DYNC2H1: variants seen among roughly 807,000 people sequenced by gnomAD.
DYNC2H1 encodes the protein dynein cytoplasmic 2 heavy chain 1.
A neutral mutation model predicts 570.0 loss-of-function variants in DYNC2H1; 410 were observed. That is an observed-to-expected ratio of 0.72 (90% CI 0.66 to 0.78). DYNC2H1 has a LOEUF of 0.78. Among genes scored for constraint, DYNC2H1 ranks in the 30% least tolerant of loss-of-function variants. The probability of loss-of-function intolerance (pLI) is 0.00; values close to 1 mark genes in which losing one functional copy is unlikely to be tolerated. For missense variants in DYNC2H1, 4,865 were observed against 5,046.4 expected (o/e 0.96, Z 1.09); for synonymous variants, 1,688 against 1,677.6 (o/e 1.01, Z -0.15).
intron 70 of DYNC2H1, among the ~76,000 whole-genome samples, chr11:103,272,054 C>T (rs1270957952): frequency 2.0e-5 from 3 of 152,098 alleles, no homozygotes; most frequent in Non-Finnish European, 4.4e-5. Context: ...ACCATTTGAC[C>T]CAGCCATCCC....
intron 25 of DYNC2H1, among the ~76,000 whole-genome samples, chr11:103,156,069 T>C (rs1860802537): frequency 6.6e-6 from 1 of 152,166 alleles, no homozygotes; most frequent in Non-Finnish European, 1.5e-5. Flanking sequence ...TGTAAAACTT[T>C]AAATAAACCA....
At position 103,204,228 on chromosome 11, in the gene DYNC2H1, A is replaced by G. The variant is rs1459364233; in HGVS notation, c.8311+452A>G. Among the ~76,000 whole-genome samples the G allele has an allele frequency of 6.6e-6, 1 of 152,162 alleles. No homozygotes were observed. The highest frequency in any genetic ancestry group is 1.5e-5 in the Non-Finnish European group (1 of 68,036). On this transcript the variant is annotated intron_variant, in intron 51 of 88. Coordinates refer to ENST00000375735, the MANE Select transcript of DYNC2H1 (RefSeq NM_001377.3). This position sits in a 1 kb window ranked among gnomAD's most constrained non-coding sequence, Gnocchi z 4.1. The stretch of plus-strand genomic sequence containing the variant: ...ACCTGCCCCGCTCCATGATTCAATC[A>G]TGTCCCACCAGGTTCCTCCCGCAAC...
intron 3 of DYNC2H1, 55 bp downstream of exon 3, chr11:103,114,293 A>C (rs1858267427): frequency 7.0e-7 from 1 of 1,438,402 alleles, no homozygotes. Context: ...TCATTAATAC[A>C]TTAGTAAATG....
intron 28 of DYNC2H1, among the ~76,000 whole-genome samples, chr11:103,159,874 T>C (rs1861011980): frequency 6.6e-6 from 1 of 152,168 alleles, no homozygotes; most frequent in African/African-American, 2.4e-5. Flanking sequence ...TAAAGTTTTG[T>C]TGAAACATAA....
At chr11:103,312,286 A>G (rs1285174571) in intron 79 of DYNC2H1, among the ~76,000 whole-genome samples, 1 of 151,294 alleles carries the variant, frequency 6.6e-6, no homozygotes, top group Non-Finnish European at 1.5e-5. Context: ...AGGCTGAGGC[A>G]GGAGAATCGC....
At chr11:103,333,277 T>C (rs1938921258) in intron 82 of DYNC2H1, among the ~76,000 whole-genome samples, 1 of 152,212 alleles carries the variant, frequency 6.6e-6, no homozygotes, top group Non-Finnish European at 1.5e-5. Context: ...GTTTCTTTGT[T>C]TTTTGAGACA....
chr11:103,443,847 T>A (rs1243694574), intron 85 of DYNC2H1, among the ~76,000 whole-genome samples: 1 of 151,910 alleles, frequency 6.6e-6, no homozygotes. Context: ...TGGATATTTT[T>A]AAAATATTTG....
intron 85 of DYNC2H1, 36 bp from the exon 86 acceptor site, chr11:103,455,150 G>A (rs947668804): frequency 2.0e-6 from 3 of 1,471,610 alleles, no homozygotes; most frequent in East Asian, 2.3e-5. Flanking sequence ...TTATAAGTGT[G>A]TGTGTATTTA....
chr11:103,478,872 G>A (rs968461364), intron 88 of DYNC2H1, among the ~76,000 whole-genome samples: 3 of 151,928 alleles, frequency 2.0e-5, no homozygotes, highest in Non-Finnish European at 4.4e-5. Context: ...GTAATTGTAA[G>A]GTGCTGTTCA....
chr11:103,319,239 G>C lies in DYNC2H1; in HGVS notation c.11726-1790G>C, dbSNP rs553856358. 1.1e-4 allele frequency among the ~76,000 whole-genome samples: 16 copies of C among 152,258 alleles called. No homozygotes were observed. The highest frequency in any genetic ancestry group is 1.9e-4 in the Non-Finnish European group (13 of 67,986). ...ACCATTATGTTTTGAATAAAAGGCA[G>C]ATGCTCTAAAATGATATTGAATCTG... On this transcript the variant is annotated intron_variant, in intron 80 of 88. Transcript: ENST00000375735. This position sits in a 1 kb window ranked among gnomAD's most constrained non-coding sequence, Gnocchi z 4.3.
At chr11:103,449,459 T>C (rs1944527183) in intron 85 of DYNC2H1, among the ~76,000 whole-genome samples, 1 of 152,060 alleles carries the variant, frequency 6.6e-6, no homozygotes, top group Admixed American at 6.5e-5. Flanking sequence ...CATGTATTAA[T>C]TGTATTTAAC....
chr11:103,319,325 A>G lies in DYNC2H1; in HGVS notation c.11726-1704A>G, dbSNP rs220327. On this transcript the variant is annotated intron_variant, in intron 80 of 88. Transcript: ENST00000375735. The surrounding 1 kb of genome is among the most constrained non-coding windows in gnomAD (Gnocchi z 4.3). Reference sequence around the variant, plus strand: ...CTGACATGAAGGAACTTCCACATGTATAGAATTAAATGCCAAAAAAGAGAA... The same window carrying G: ...CTGACATGAAGGAACTTCCACATGTGTAGAATTAAATGCCAAAAAAGAGAA... Among the ~76,000 whole-genome samples, 25,757 of 152,148 alleles carry G rather than the reference A, an allele frequency of 0.17. 2,616 individuals are homozygous for G. The highest frequency in any genetic ancestry group is 0.28 in the African/African-American group (11,693 of 41,508).
chr11:103,324,366 T>C lies in DYNC2H1; in HGVS notation c.12039+376T>C, dbSNP rs1938362681. 6.6e-6 allele frequency among the ~76,000 whole-genome samples: 1 copy of C among 152,138 alleles called. No homozygotes were observed. Among genetic ancestry groups the C allele is most frequent in the African/African-American group, 2.4e-5 (1 of 41,428 alleles). ...TAGGCCCTGGTGTCTGTTGTTCCCT[T>C]CTTTGTATCCATGTATACTCAGTGT... is the stretch of plus-strand genomic sequence containing the variant. On this transcript the variant is annotated intron_variant, in intron 82 of 88. Transcript: ENST00000375735. This position sits in a 1 kb window ranked among gnomAD's most constrained non-coding sequence, Gnocchi z 5.2.
rs1387000 is a variant in DYNC2H1 at position 103,280,151 on chromosome 11, A to T, written c.10696-197A>T. On this transcript the variant is annotated intron_variant, in intron 70 of 88. Coordinates refer to ENST00000375735, the MANE Select transcript of DYNC2H1 (RefSeq NM_001377.3). This position sits in a 1 kb window ranked among gnomAD's most constrained non-coding sequence, Gnocchi z 4.7. ...GCTTTCTCCAAAAATGTGATCACTT[A>T]CTTACTCTGACCCCACCCCTGACTT... Among the ~76,000 whole-genome samples, 5,781 of 152,220 alleles carry T rather than the reference A, an allele frequency of 0.038. 362 individuals carry two copies. The highest frequency in any genetic ancestry group is 0.13 in the African/African-American group (5,495 of 41,522).
chr11:103,307,866 T>A, intron 78 of DYNC2H1, 35 bp downstream of exon 78: 1 of 1,277,924 alleles, frequency 7.8e-7, no homozygotes. Flanking sequence ...ACCAGTTGTA[T>A]GAAAGCAGTA....
At chr11:103,328,644 G>C (rs933039325) in intron 82 of DYNC2H1, among the ~76,000 whole-genome samples, 6 of 152,202 alleles carry the variant, frequency 3.9e-5, no homozygotes, top group African/African-American at 1.4e-4. Context: ...GGCCAAAAAT[G>C]AGTACATACA....
chr11:103,201,980 ATACTTGCTTTG>A lies in DYNC2H1; in HGVS notation c.8198-1680_8198-1670del. Reference sequence around the variant, plus strand: ...TCATTTTCAACTCAGTTTTCAATAAATACTTGCTTTGTATCATGCTAGTGCTCTGAGGAGAA... The same window carrying A: ...TCATTTTCAACTCAGTTTTCAATAAATATCATGCTAGTGCTCTGAGGAGAA... On this transcript the variant is annotated intron_variant, in intron 50 of 88. Coordinates refer to ENST00000375735, the MANE Select transcript of DYNC2H1 (RefSeq NM_001377.3). The surrounding 1 kb of genome is among the most constrained non-coding windows in gnomAD (Gnocchi z 4.8). Among the ~76,000 whole-genome samples the A allele has an allele frequency of 6.6e-6, 1 of 152,308 alleles. No individual in the cohort carries two copies. Among genetic ancestry groups the A allele is most frequent in the South Asian group, 2.1e-4 (1 of 4,824 alleles).
chr11:103,138,672 C>T (rs915450892), intron 17 of DYNC2H1, among the ~76,000 whole-genome samples: 3 of 152,146 alleles, frequency 2.0e-5, no homozygotes, highest in African/African-American at 7.2e-5. Flanking sequence ...GTCTGAAATT[C>T]TCTTTTTTGG....
rs368955947 is a variant in DYNC2H1, at chr11:103,160,972, A to T, written c.4419A>T (p.Ile1473=). The T allele has an allele frequency of 2.4e-5, 37 of 1,572,780 alleles. No individual in the cohort carries two copies. Among genetic ancestry groups the T allele is most frequent in the Admixed American group, 5.6e-5 (3 of 53,146 alleles). The change falls in exon 29 of 89, where the codon ATA becomes ATT. Residue 1473 remains isoleucine (I), a synonymous_variant. Coordinates refer to ENST00000375735, the MANE Select transcript of DYNC2H1 (RefSeq NM_001377.3). ...GCTTTGATGAGAAATCAAAACATAT[A>T]ACTGCAATGAAATCTTTAGAGGGAG... is the stretch of plus-strand genomic sequence containing the variant. ...SVCFDEKSKH[I]TAMKSLEGEV... is the part of the protein sequence containing the mutation.
Sources: allele counts gnomAD v4.1 joint callset (sites outside exome capture counted in the v4.1 genomes callset), GRCh38; gene constraint gnomAD v4.1.1; non-coding constraint Gnocchi (gnomAD v3.1); transcripts MANE v1.5; gene names NCBI Gene and HGNC (gene_info 2026-07-23, HGNC 2026-07-21).